JPH2: variants seen among roughly 807,000 people sequenced by gnomAD.
JPH2 encodes the protein junctophilin 2, also known as junctophilin-2.
In JPH2, 38 loss-of-function variants were observed where a neutral mutation model predicts 55.9. The observed-to-expected ratio is 0.68, with a 90% CI of 0.52 to 0.89. The LOEUF (loss-of-function observed/expected upper bound fraction) is 0.89. Among genes scored for constraint, JPH2 ranks in the 40% least tolerant of loss-of-function variants. The pLI is 0.00. For missense variants in JPH2, 964 were observed against 1,037.6 expected (o/e 0.93, Z 0.97); for synonymous variants, 480 against 472.4 (o/e 1.02, Z -0.21).
Position 44,113,312 on chromosome 20 carries a change from CAGGACA to C in JPH2, c.*200_*205del. On this transcript the variant is annotated 3_prime_UTR_variant, in exon 6 of 6. Transcript: ENST00000372980. ...TGGGTAGAGAGCTCCTGAAGGAGCC[CAGGACA>C]TTCCATTCCTCTTGGCACCACCACC... 1 of 152,648 alleles carries C rather than the reference CAGGACA, an allele frequency of 6.6e-6. No individual in the cohort carries two copies. Among genetic ancestry groups the C allele is most frequent in the East Asian group, 1.9e-4 (1 of 5,182 alleles). 9.5% of individuals were successfully genotyped at this position (152,648 alleles called of 1,614,324 possible). A position where few individuals can be genotyped will look rare whatever the true frequency, so the allele number is the denominator to read the frequency against.
chr20:44,134,583 A>T lies in JPH2; in HGVS notation c.1170-15960T>A, dbSNP rs1443633028. On this transcript the variant is annotated intron_variant, in intron 2 of 5. Transcript: ENST00000372980. ...TATAAATAAATATATATTTATTATAAATATATATAAATATATATTTATTAT... is the reference window on the plus strand; with the variant it reads ...TATAAATAAATATATATTTATTATATATATATATAAATATATATTTATTAT... Among the ~76,000 whole-genome samples, 2 of 20,606 alleles carry T rather than the reference A, an allele frequency of 9.7e-5. 1 individual carries two copies. The highest frequency in any genetic ancestry group is 1.5e-4 in the Non-Finnish European group (2 of 13,720). The allele number at this position is 20,606 out of a possible 152,430, so 13.5% of individuals were successfully genotyped here.
At chr20:44,134,919 ATATATT>A (rs1405566276) in intron 2 of JPH2, among the ~76,000 whole-genome samples, 2 of 46,906 alleles carry the variant, frequency 4.3e-5, no homozygotes, top group Non-Finnish European at 9.0e-5. Context: ...TATAAAATAT[ATATATT>A]TATATATATA....
At chr20:44,138,156 C>G (rs1209402243) in intron 2 of JPH2, among the ~76,000 whole-genome samples, 1 of 151,312 alleles carries the variant, frequency 6.6e-6, no homozygotes, top group Non-Finnish European at 1.5e-5. Flanking sequence ...TACAGGTGCC[C>G]GCCACCACGC....
intron 2 of JPH2, among the ~76,000 whole-genome samples, chr20:44,147,132 T>G (rs2072498773): frequency 6.6e-6 from 1 of 152,130 alleles, no homozygotes; most frequent in East Asian, 1.9e-4. Context: ...TTGACCAAAT[T>G]GACATTTTGA....
chr20:44,178,043 G>A (rs958116981), intron 1 of JPH2: 18 of 792,220 alleles, frequency 2.3e-5, no homozygotes, highest in Middle Eastern at 2.3e-4. Context: ...GTTAAGAACC[G>A]GCACAGCTGG....
chr20:44,177,912 A>T, intron 1 of JPH2: 1 of 1,495,142 alleles, frequency 6.7e-7, no homozygotes, highest in Non-Finnish European at 9.3e-7. Flanking sequence ...CATGATGCTC[A>T]GTGCTTCATT....
At chr20:44,145,258 C>T (rs1600849422) in intron 2 of JPH2, among the ~76,000 whole-genome samples, 1 of 152,208 alleles carries the variant, frequency 6.6e-6, no homozygotes, top group Non-Finnish European at 1.5e-5. Flanking sequence ...ATTTTTCTCC[C>T]GAAGGTGCAG....
chr20:44,173,323 G>A (rs113384371), intron 1 of JPH2, among the ~76,000 whole-genome samples: 7 of 152,162 alleles, frequency 4.6e-5, no homozygotes, highest in South Asian at 2.1e-4. Flanking sequence ...ACCCAGACCT[G>A]TGACTCATAG....
At chr20:44,130,538 C>G (rs2072310409) in intron 2 of JPH2, among the ~76,000 whole-genome samples, 1 of 152,228 alleles carries the variant, frequency 6.6e-6, no homozygotes, top group Admixed American at 6.5e-5. Flanking sequence ...GGGAGGGAAC[C>G]TCGGGCCTTG....
chr20:44,124,816 A>T (rs2072264183), intron 2 of JPH2, among the ~76,000 whole-genome samples: 1 of 151,866 alleles, frequency 6.6e-6, no homozygotes, highest in Non-Finnish European at 1.5e-5. Flanking sequence ...TTAGAAAAAA[A>T]AAAAAGTAAG....
intron 1 of JPH2, among the ~76,000 whole-genome samples, chr20:44,179,334 A>AT (rs764143273): frequency 3.3e-5 from 5 of 152,078 alleles, no homozygotes; most frequent in Non-Finnish European, 4.4e-5. Flanking sequence ...TAAAATACAT[A>AT]TTTTTTTGCA....
intron 2 of JPH2, among the ~76,000 whole-genome samples, chr20:44,148,624 T>C (rs966689692): frequency 2.0e-5 from 3 of 152,168 alleles, no homozygotes; most frequent in Non-Finnish European, 4.4e-5. Context: ...TTAGGTTCGT[T>C]ACTGCCCTTC....
intron 1 of JPH2, chr20:44,177,277 C>T: frequency 1.0e-6 from 1 of 986,094 alleles, no homozygotes; most frequent in Non-Finnish European, 1.2e-6. Context: ...CCACCCTCAA[C>T]CAGGGCCCTC....
In JPH2 at chr20:44,113,011, G is replaced by C. The variant is rs1349389930; in HGVS notation, c.*507C>G. The C allele has an allele frequency of 6.6e-6, 1 of 152,194 alleles. No homozygotes were observed. The highest frequency in any genetic ancestry group is 6.5e-5 in the Admixed American group (1 of 15,286). 9.4% of individuals were successfully genotyped at this position (152,194 alleles called of 1,614,324 possible). ...GCAGACTGCACAAGGACAGGTCTCT[G>C]TGCTGGTCTGAGGGGGTCTCAACAC... On this transcript the variant is annotated 3_prime_UTR_variant, in exon 6 of 6. Transcript: ENST00000372980.
Position 44,112,705 on chromosome 20 carries a change from A to T in JPH2, c.*813T>A, listed in dbSNP as rs958517304. On this transcript the variant is annotated 3_prime_UTR_variant, in exon 6 of 6. Coordinates refer to ENST00000372980, the MANE Select transcript of JPH2 (RefSeq NM_020433.5). ...GGTGACCCTCTAGCATCCCAAGCAC[A>T]CGGGAAACCCCAAATGCAATCCCAG... The T allele has an allele frequency of 1.2e-4, 19 of 152,422 alleles. No individual in the cohort carries two copies. The highest frequency in any genetic ancestry group is 1.2e-3 in the Admixed American group (18 of 15,284). 9.4% of individuals were successfully genotyped at this position (152,422 alleles called of 1,614,324 possible). A position where few individuals can be genotyped will look rare whatever the true frequency, so the allele number is the denominator to read the frequency against.
chr20:44,160,256 C>T lies in JPH2; in HGVS notation c.531G>A (p.Pro177=), dbSNP rs1057522198. The T allele has an allele frequency of 6.5e-6, 10 of 1,528,444 alleles. No homozygotes were observed. In the African/African-American group the frequency reaches 1.1e-4, roughly 17 times the overall value. 94.7% of individuals were successfully genotyped at this position (1,528,444 alleles called of 1,614,324 possible). ...RSEHSNGTVA[P]DSPASPASDG... ...CGGAGGCCGGCGAGGCGGGAGAGTCCGGGGCCACCGTGCCGTTGCTGTGCT... is the reference window on the plus strand; with the variant it reads ...CGGAGGCCGGCGAGGCGGGAGAGTCTGGGGCCACCGTGCCGTTGCTGTGCT... Residue 177 remains proline, a synonymous_variant, in exon 2 of 6, where the codon CCG becomes CCA. Transcript: ENST00000372980. This position sits in a 1 kb window ranked among gnomAD's most constrained non-coding sequence, Gnocchi z 4.9.
At chr20:44,163,392 G>A (rs1044967160) in intron 1 of JPH2, among the ~76,000 whole-genome samples, 1 of 152,164 alleles carries the variant, frequency 6.6e-6, no homozygotes, top group African/African-American at 2.4e-5. Context: ...TTGGTGCACT[G>A]TAACTTTGGA....
At chr20:44,117,793 C>A (rs959589610) in intron 3 of JPH2, among the ~76,000 whole-genome samples, 1 of 152,178 alleles carries the variant, frequency 6.6e-6, no homozygotes, top group African/African-American at 2.4e-5. Context: ...CCATTCTAAC[C>A]GCACAGTGCT....
At chr20:44,156,522 T>C (rs909958391) in intron 2 of JPH2, among the ~76,000 whole-genome samples, 1 of 152,102 alleles carries the variant, frequency 6.6e-6, no homozygotes, top group African/African-American at 2.4e-5. Context: ...GTAGGGGAAG[T>C]CCAAGGTCAA....
Sources: allele counts gnomAD v4.1 joint callset (sites outside exome capture counted in the v4.1 genomes callset), GRCh38; gene constraint gnomAD v4.1.1; non-coding constraint Gnocchi (gnomAD v3.1); transcripts MANE v1.5; gene names NCBI Gene and HGNC (gene_info 2026-07-23, HGNC 2026-07-21).